ZDHHC23: variants seen among roughly 807,000 people sequenced by gnomAD.
ZDHHC23 encodes zDHHC palmitoyltransferase 23, also known as palmitoyltransferase ZDHHC23.
A neutral mutation model predicts 40.2 loss-of-function variants in ZDHHC23; 41 were observed. The observed-to-expected ratio is 1.02, with a 90% confidence interval of 0.79 to 1.32. ZDHHC23 has a LOEUF of 1.32. ZDHHC23 is among the 40% of genes most tolerant of loss of function. The pLI, the probability that ZDHHC23 is intolerant of heterozygous loss-of-function variation, is 0.00. For synonymous variants in ZDHHC23, 204 were observed against 210.2 expected (o/e 0.97, Z 0.26); for missense variants, 471 against 541.5 (o/e 0.87, Z 1.29).
At chr3:113,972,780 C>T in the ZDHHC23 span, among the ~76,000 whole-genome samples, 1 of 152,072 alleles carries the variant, frequency 6.6e-6, no homozygotes. Context: ...TATCCTCTTG[C>T]TGAATTGACC....
At chr3:113,979,266 A>T in the ZDHHC23 span, among the ~76,000 whole-genome samples, 1 of 152,176 alleles carries the variant, frequency 6.6e-6, no homozygotes, top group Admixed American at 6.5e-5. Flanking sequence ...GAAATGGAAC[A>T]ACCAACCTCT....
rs909890125 is a variant in ZDHHC23, at chr3:113,960,737, A to G, written c.*2107A>G. Reference sequence around the variant, plus strand: ...TCTAATAGGGTTACTTGGATGAGCCAACTCCGCTTCCTTCCCATGGATAGG... The same window carrying G: ...TCTAATAGGGTTACTTGGATGAGCCGACTCCGCTTCCTTCCCATGGATAGG... On this transcript the variant is annotated 3_prime_UTR_variant, in exon 5 of 5. Transcript: ENST00000638807. The G allele has an allele frequency of 1.3e-6, 2 of 1,577,144 alleles. No homozygotes were observed. Among genetic ancestry groups the G allele is most frequent in the Non-Finnish European group, 1.7e-6 (2 of 1,166,996 alleles).
At chr3:113,955,333 G>A (rs1406010161) in intron 3 of ZDHHC23, among the ~76,000 whole-genome samples, 7 of 151,268 alleles carry the variant, frequency 4.6e-5, no homozygotes, top group Admixed American at 4.6e-4. Flanking sequence ...ATTTTTAGAT[G>A]TTCTACTTCT....
At chr3:113,965,283 TTTC>T (rs1313534466), downstream of ZDHHC23, 1 of 1,613,012 alleles carries the variant, frequency 6.2e-7, no homozygotes, top group South Asian at 1.1e-5. Flanking sequence ...TGCTGTCGCC[TTTC>T]TTCTTTTACT....
intron 4 of ZDHHC23, among the ~76,000 whole-genome samples, chr3:113,957,181 C>T (rs1006471846): frequency 6.6e-6 from 1 of 152,220 alleles, no homozygotes; most frequent in Non-Finnish European, 1.5e-5. Flanking sequence ...CCCCCCTCTG[C>T]CCATGCTCTT....
At chr3:113,969,194 C>T (rs1233956860), downstream of ZDHHC23, among the ~76,000 whole-genome samples, 4 of 152,224 alleles carry the variant, frequency 2.6e-5, no homozygotes, top group East Asian at 7.7e-4. Flanking sequence ...TCCCATTAGA[C>T]TCCACTTCCG....
At position 113,948,732 on chromosome 3, in the gene ZDHHC23, G is replaced by T. The variant is rs1245765572; in HGVS notation, c.-71G>T. 3 of 1,577,210 alleles carry T rather than the reference G, an allele frequency of 1.9e-6. No homozygotes were observed. Among genetic ancestry groups the T allele is most frequent in the Non-Finnish European group, 2.6e-6 (3 of 1,151,554 alleles). On this transcript the variant is annotated 5_prime_UTR_variant, in exon 2 of 5. Coordinates refer to ENST00000638807, the MANE Select transcript of ZDHHC23 (RefSeq NM_001320466.2). The stretch of plus-strand genomic sequence containing the variant: ...GAGAGAGGCGTGGACCTATTTACGA[G>T]ATGTAAGTTGTGTTCTTTCCACCTT...
At chr3:113,973,775 G>A in the ZDHHC23 span, among the ~76,000 whole-genome samples, 1 of 151,722 alleles carries the variant, frequency 6.6e-6, no homozygotes, top group Non-Finnish European at 1.5e-5. Context: ...TGAGAGTTTA[G>A]GTCAAATCTG....
At chr3:113,969,514 T>C (rs562780669), downstream of ZDHHC23, among the ~76,000 whole-genome samples, 24 of 152,308 alleles carry the variant, frequency 1.6e-4, no homozygotes, top group Admixed American at 1.2e-3. Context: ...CCATTTGGAT[T>C]TGATTTTTGT....
chr3:113,958,447 C>CATCAGCT lies in ZDHHC23; in HGVS notation c.1127_1133dup (p.Asn379GlnfsTer6). 1 of 1,614,190 alleles carries CATCAGCT rather than the reference C, an allele frequency of 6.2e-7. No individual in the cohort carries two copies. Among genetic ancestry groups the CATCAGCT allele is most frequent in the Non-Finnish European group, 8.5e-7 (1 of 1,180,028 alleles). On this transcript the variant is annotated frameshift_variant, in exon 5 of 5. Coordinates refer to ENST00000638807, the MANE Select transcript of ZDHHC23 (RefSeq NM_001320466.2). LOFTEE classifies it high-confidence loss of function. Reference sequence around the variant, plus strand: ...ACATCTTCCTGATCCAGCTGATCAACATCAGCTACAATGTGACTGAGCGGG... The same window carrying CATCAGCT: ...ACATCTTCCTGATCCAGCTGATCAACATCAGCTATCAGCTACAATGTGACTGAGCGGG...
chr3:113,960,492 A>G lies in ZDHHC23; in HGVS notation c.*1862A>G. ...TCAAGGATAGCCTGTGTGGGCAGAA[A>G]TTGGTAGTCGTGCTTTTGAATGTCA... On this transcript the variant is annotated 3_prime_UTR_variant, in exon 5 of 5. Coordinates refer to ENST00000638807, the MANE Select transcript of ZDHHC23 (RefSeq NM_001320466.2). The G allele has an allele frequency of 1.4e-6, 2 of 1,398,432 alleles. No homozygotes were observed. The highest frequency in any genetic ancestry group is 1.6e-5 in the South Asian group (1 of 62,894). The allele number at this position is 1,398,432 out of a possible 1,614,324, so 86.6% of individuals were successfully genotyped here. A position where few individuals can be genotyped will look rare whatever the true frequency, so the allele number is the denominator to read the frequency against.
the ZDHHC23 span, among the ~76,000 whole-genome samples, chr3:113,976,173 C>T: frequency 3.9e-5 from 6 of 152,040 alleles, no homozygotes; most frequent in Middle Eastern, 3.4e-3. Flanking sequence ...GCATGAGAAT[C>T]GCTTGAACCC....
chr3:113,957,841 C>G (rs371105326), intron 4 of ZDHHC23: 1 of 518,250 alleles, frequency 1.9e-6, no homozygotes, highest in African/African-American at 1.9e-5. Flanking sequence ...TCTCGGTGTT[C>G]CTACATCCAG....
At chr3:113,971,242 T>C in the ZDHHC23 span, among the ~76,000 whole-genome samples, 1 of 152,204 alleles carries the variant, frequency 6.6e-6, no homozygotes, top group African/African-American at 2.4e-5. Flanking sequence ...TTCCTGACTT[T>C]TTAATGATCG....
rs1166586644 is a variant in ZDHHC23, at chr3:113,958,814, C to T, written c.*184C>T. The T allele has an allele frequency of 2.1e-6, 3 of 1,452,328 alleles. No homozygotes were observed. The highest frequency in any genetic ancestry group is 1.8e-6 in the Non-Finnish European group (2 of 1,091,452). 90.0% of individuals were successfully genotyped at this position (1,452,328 alleles called of 1,614,324 possible). A position where few individuals can be genotyped will look rare whatever the true frequency, so the allele number is the denominator to read the frequency against. The stretch of plus-strand genomic sequence containing the variant: ...CGCCACAACTTAAGAGACTTTTATA[C>T]TGAGGCAGTAAAAGTAGAGCCATTC... On this transcript the variant is annotated 3_prime_UTR_variant, in exon 5 of 5. Transcript: ENST00000638807.
chr3:113,972,464 A>G, the ZDHHC23 span, among the ~76,000 whole-genome samples: 1 of 151,946 alleles, frequency 6.6e-6, no homozygotes, highest in Non-Finnish European at 1.5e-5. Flanking sequence ...TGTTTTTTGA[A>G]TTTGTTGAGA....
the ZDHHC23 span, chr3:113,978,273 TTC>T: frequency 6.2e-7 from 1 of 1,614,086 alleles, no homozygotes. Context: ...CCTGAAAATC[TTC>T]TTTTGAAGAA....
intron 4 of ZDHHC23, chr3:113,957,603 C>A: frequency 2.3e-6 from 1 of 440,470 alleles, no homozygotes; most frequent in East Asian, 6.9e-5. Flanking sequence ...ATTCACAGCA[C>A]CTCATCTTTT....
At chr3:113,978,840 C>A in the ZDHHC23 span, 1 of 1,607,946 alleles carries the variant, frequency 6.2e-7, no homozygotes, top group African/African-American at 1.3e-5. Flanking sequence ...TTTAAGGTAC[C>A]CTTCCCTATG....
Sources: allele counts gnomAD v4.1 joint callset (sites outside exome capture counted in the v4.1 genomes callset), GRCh38; gene constraint gnomAD v4.1.1; transcripts MANE v1.5; gene names NCBI Gene and HGNC (gene_info 2026-07-23, HGNC 2026-07-21).